CORIN: variants seen among roughly 807,000 people sequenced by gnomAD.
CORIN encodes the protein corin, serine peptidase.
CORIN carries 117 observed loss-of-function variants against 125.3 expected under a neutral mutation model. That is an observed-to-expected ratio of 0.93 (90% CI 0.80 to 1.09). The LOEUF (loss-of-function observed/expected upper bound fraction) is 1.09, where lower values mean the gene tolerates loss of function less well. Among genes scored for constraint, CORIN ranks in the 50% least tolerant of loss-of-function variants. The probability of loss-of-function intolerance (pLI) is 0.00; values close to 1 mark genes in which losing one functional copy is unlikely to be tolerated. For synonymous variants in CORIN, 450 were observed against 466.4 expected (o/e 0.96, Z 0.45); for missense variants, 1,253 against 1,306.7 (o/e 0.96, Z 0.63).
chr4:47,783,026 A>G, intron 3 of CORIN, among the ~76,000 whole-genome samples: 1 of 152,118 alleles, frequency 6.6e-6, no homozygotes, highest in East Asian at 1.9e-4. Flanking sequence ...ATAAGAGAAC[A>G]GAACACTTTA....
intron 2 of CORIN, among the ~76,000 whole-genome samples, chr4:47,796,173 G>T (rs1731280323): frequency 6.6e-6 from 1 of 152,046 alleles, no homozygotes; most frequent in South Asian, 2.1e-4. Context: ...GTTCCGTGCA[G>T]CATTATTCAC....
In CORIN at chr4:47,830,223, G is replaced by A. The variant is rs181004002; in HGVS notation, c.63+7664C>T. On this transcript the variant is annotated intron_variant, in intron 1 of 21. Coordinates refer to ENST00000273857, the MANE Select transcript of CORIN (RefSeq NM_006587.4). The stretch of plus-strand genomic sequence containing the variant: ...CTTCCAACAATAAATCCCACATGGT[G>A]TTTGTTTTTTTTTTGTTTCAGAGCT... Among the ~76,000 whole-genome samples the A allele has an allele frequency of 2.0e-5, 3 of 151,928 alleles. No homozygotes were observed. In the East Asian group the frequency reaches 5.8e-4, roughly 29 times the overall value.
intron 16 of CORIN, among the ~76,000 whole-genome samples, chr4:47,639,387 C>T (rs969275072): frequency 6.6e-6 from 1 of 152,162 alleles, no homozygotes; most frequent in Non-Finnish European, 1.5e-5. Flanking sequence ...GTCTTCCCCA[C>T]TCCATTATAA....
chr4:47,709,316 C>T (rs979764598), intron 5 of CORIN, among the ~76,000 whole-genome samples: 1 of 151,852 alleles, frequency 6.6e-6, no homozygotes, highest in Non-Finnish European at 1.5e-5. Flanking sequence ...TATTTAGACA[C>T]AAGGTCTCCC....
At chr4:47,600,113 C>G in intron 21 of CORIN, 101 bp downstream of exon 21, 1 of 1,084,732 alleles carries the variant, frequency 9.2e-7, no homozygotes. Flanking sequence ...AAATGATTTT[C>G]AAAAAATGTT....
chr4:47,739,503 A>G (rs1728287134), intron 5 of CORIN, among the ~76,000 whole-genome samples: 1 of 152,188 alleles, frequency 6.6e-6, no homozygotes, highest in Middle Eastern at 3.4e-3. Context: ...ACAAAAGTGG[A>G]GAGAATTTGC....
At chr4:47,653,356 G>A (rs561804456) in intron 13 of CORIN, among the ~76,000 whole-genome samples, 197 bp downstream of exon 13, 2 of 152,232 alleles carry the variant, frequency 1.3e-5, no homozygotes, top group East Asian at 3.9e-4. Flanking sequence ...TTATATAGAA[G>A]TGCAATTTAG....
At chr4:47,687,132 T>C (rs962110879) in intron 6 of CORIN, among the ~76,000 whole-genome samples, 14 of 152,224 alleles carry the variant, frequency 9.2e-5, no homozygotes, top group Admixed American at 3.3e-4. Context: ...TTAGAAGCCA[T>C]TTTTAGAAGT....
intron 1 of CORIN, among the ~76,000 whole-genome samples, chr4:47,819,334 T>A (rs937367934): frequency 3.3e-5 from 5 of 152,072 alleles, no homozygotes; most frequent in Non-Finnish European, 5.9e-5. Context: ...TTGGCAAAGA[T>A]CATGGCCAGA....
Position 47,752,464 on chromosome 4 carries a change from A to C in CORIN, c.618-7881T>G, listed in dbSNP as rs376536935. Among the ~76,000 whole-genome samples the C allele has an allele frequency of 9.2e-5, 14 of 152,312 alleles. No homozygotes were observed. The South Asian group carries it at 2.5e-3, about 27-fold the overall frequency. ...TGTCAGTAGCAAAGTTGGGAGGAGA[A>C]CCTAACTCCCAACTTAATTGGGAAT... On this transcript the variant is annotated intron_variant, in intron 4 of 21. Transcript: ENST00000273857.
intron 16 of CORIN, among the ~76,000 whole-genome samples, chr4:47,631,472 G>T (rs1023494457): frequency 2.0e-5 from 3 of 151,780 alleles, no homozygotes; most frequent in Admixed American, 6.6e-5. Flanking sequence ...GGAATCAAAT[G>T]CCTGATGATC....
chr4:47,788,016 A>G (rs1354271396), intron 2 of CORIN, among the ~76,000 whole-genome samples: 1 of 152,264 alleles, frequency 6.6e-6, no homozygotes, highest in African/African-American at 2.4e-5. Context: ...TTTAGGAAGA[A>G]ACATTTGAAA....
chr4:47,661,603 C>T, intron 12 of CORIN, 108 bp downstream of exon 12: 1 of 1,075,908 alleles, frequency 9.3e-7, no homozygotes, highest in Non-Finnish European at 1.3e-6. Flanking sequence ...TGATTGGAAA[C>T]TAAATAGAAA....
intron 7 of CORIN, 121 bp from the exon 8 acceptor site, chr4:47,680,372 T>C (rs1338415109): frequency 3.0e-6 from 2 of 665,114 alleles, no homozygotes; most frequent in Non-Finnish European, 5.3e-6. Context: ...TTCAATAACA[T>C]TTCTACAATA....
chr4:47,607,798 T>C (rs1477813809), intron 19 of CORIN, among the ~76,000 whole-genome samples: 2 of 151,974 alleles, frequency 1.3e-5, no homozygotes, highest in Non-Finnish European at 2.9e-5. Context: ...AAAGTACGAA[T>C]TAACCGGATG....
chr4:47,778,265 A>G (rs1730386475), intron 3 of CORIN, among the ~76,000 whole-genome samples: 2 of 152,216 alleles, frequency 1.3e-5, no homozygotes, highest in African/African-American at 4.8e-5. Context: ...TTAATATGGC[A>G]TAAACATATA....
intron 19 of CORIN, among the ~76,000 whole-genome samples, chr4:47,617,483 G>C (rs546366438): frequency 6.6e-6 from 1 of 152,330 alleles, no homozygotes; most frequent in East Asian, 1.9e-4. Context: ...ACATTTTCCA[G>C]TGGAGAGGAG....
intron 5 of CORIN, among the ~76,000 whole-genome samples, chr4:47,729,866 A>T (rs1727783966): frequency 6.6e-6 from 1 of 152,180 alleles, no homozygotes; most frequent in African/African-American, 2.4e-5. Context: ...GAAAGAGAGA[A>T]GAGAGAGGTT....
intron 17 of CORIN, among the ~76,000 whole-genome samples, chr4:47,624,371 A>AC (rs1307092415): frequency 6.6e-6 from 1 of 152,128 alleles, no homozygotes; most frequent in African/African-American, 2.4e-5. Flanking sequence ...AGCATGTCAG[A>AC]TTTTTATGCT....
Sources: gnomAD v4.1 joint callset for allele counts (sites outside exome capture counted in the v4.1 genomes callset) on GRCh38, gnomAD v4.1.1 for gene constraint, MANE v1.5 for transcripts, NCBI Gene and HGNC (gene_info 2026-07-23, HGNC 2026-07-21) for gene names.